Variants in CRIM1 observed in about 807,000 individuals in gnomAD.
CRIM1 encodes cysteine-rich motor neuron 1 protein.
A neutral mutation model predicts 116.4 loss-of-function variants in CRIM1; 32 were observed. The observed-to-expected ratio is 0.27, with a 90% CI of 0.21 to 0.37. CRIM1 has a LOEUF of 0.37. CRIM1 is among the 10% of genes least tolerant of loss of function. CRIM1 has a pLI of 1.00. For synonymous variants in CRIM1, 590 were observed against 509.2 expected (o/e 1.16, Z -2.13); for missense variants, 1,331 against 1,354.8 (o/e 0.98, Z 0.28).
Position 36,547,006 on chromosome 2 carries a change from T to C in CRIM1, c.2769T>C (p.Asp923=), listed in dbSNP as rs759852522. ...TAGATATGGGTCACCTCCAGGTAGA[T>C]TACAGAGATAACAGGCTGCACCCAA... is the stretch of plus-strand genomic sequence containing the variant. ...LPRDMGHLQV[D]YRDNRLHPSE... Residue 923 remains aspartate, a synonymous_variant, in exon 16 of 17, where the codon GAT becomes GAC. Transcript: ENST00000280527. The C allele has an allele frequency of 1.2e-6, 2 of 1,609,984 alleles. No individual in the cohort carries two copies. Among genetic ancestry groups the C allele is most frequent in the South Asian group, 2.2e-5 (2 of 90,544 alleles).
rs148185860 is a variant in CRIM1, at chr2:36,508,986, T to G, written c.1502-997T>G. On this transcript the variant is annotated intron_variant, in intron 8 of 16. Coordinates refer to ENST00000280527, the MANE Select transcript of CRIM1 (RefSeq NM_016441.3). Reference sequence around the variant, plus strand: ...AGTATTTTTTCAACACACACATTTTTTAGCCTGTGAACTAAAAAGCCTATT... The same window carrying G: ...AGTATTTTTTCAACACACACATTTTGTAGCCTGTGAACTAAAAAGCCTATT... 3.6e-3 allele frequency among the ~76,000 whole-genome samples: 547 copies of G among 152,310 alleles called. 4 individuals are homozygous for G. Among genetic ancestry groups the G allele is most frequent in the African/African-American group, 0.013 (524 of 41,562 alleles).
chr2:36,542,926 C>G (rs1007410420), intron 14 of CRIM1, among the ~76,000 whole-genome samples: 9 of 152,234 alleles, frequency 5.9e-5, no homozygotes, highest in African/African-American at 1.7e-4. Flanking sequence ...TTGGGTAATT[C>G]TGATATGATT....
At chr2:36,426,896 T>C (rs1259314625) in intron 2 of CRIM1, among the ~76,000 whole-genome samples, 1 of 152,106 alleles carries the variant, frequency 6.6e-6, no homozygotes, top group African/African-American at 2.4e-5. Context: ...AGAGTAGCAG[T>C]GACTTTAAAA....
At chr2:36,460,514 G>C (rs1373709288) in intron 4 of CRIM1, among the ~76,000 whole-genome samples, 1 of 152,198 alleles carries the variant, frequency 6.6e-6, no homozygotes, top group East Asian at 1.9e-4. Context: ...TACTTTAAAA[G>C]GGTGAATACT....
At position 36,371,135 on chromosome 2, in the gene CRIM1, C is replaced by T. The variant is rs996400731; in HGVS notation, c.331+14512C>T. ...AATGGGTGTGGTGTCAGGTTTCAGA[C>T]GCCCCCATAGTTGTCTTCACGTCCT... On this transcript the variant is annotated intron_variant, in intron 1 of 16. Transcript: ENST00000280527. Among the ~76,000 whole-genome samples the T allele has an allele frequency of 2.6e-5, 4 of 152,132 alleles. 1 individual carries two copies. Among genetic ancestry groups the T allele is most frequent in the Admixed American group, 1.3e-4 (2 of 15,272 alleles).
At chr2:36,519,839 G>A (rs1277336257) in intron 12 of CRIM1, among the ~76,000 whole-genome samples, 1 of 152,120 alleles carries the variant, frequency 6.6e-6, no homozygotes, top group Admixed American at 6.5e-5. Flanking sequence ...AATAGCACTT[G>A]TTTCTTTCCA....
At chr2:36,442,545 A>G in intron 3 of CRIM1, 70 bp from the exon 4 acceptor site, 2 of 1,589,946 alleles carry the variant, frequency 1.3e-6, no homozygotes. Context: ...AAGAGCTAGT[A>G]TTTCATTTAG....
intron 2 of CRIM1, among the ~76,000 whole-genome samples, chr2:36,434,590 G>A (rs185456531): frequency 1.1e-4 from 17 of 152,344 alleles, no homozygotes; most frequent in Non-Finnish European, 2.2e-4. Flanking sequence ...ACAAAGGCGT[G>A]TGAGAATGAG....
At chr2:36,391,633 C>G (rs1434165234) in intron 1 of CRIM1, among the ~76,000 whole-genome samples, 1 of 152,136 alleles carries the variant, frequency 6.6e-6, no homozygotes, top group Non-Finnish European at 1.5e-5. Flanking sequence ...CCTAGGTGTA[C>G]CTGCAGGACA....
chr2:36,409,216 TC>T (rs1673034280), intron 2 of CRIM1, among the ~76,000 whole-genome samples: 1 of 152,170 alleles, frequency 6.6e-6, no homozygotes, highest in African/African-American at 2.4e-5. Context: ...TTTGTCTTTT[TC>T]CCACTATGCC....
chr2:36,365,961 C>T (rs1378834882), intron 1 of CRIM1, among the ~76,000 whole-genome samples: 5 of 152,152 alleles, frequency 3.3e-5, no homozygotes, highest in Non-Finnish European at 5.9e-5. Flanking sequence ...CTCTCGACCT[C>T]GTGATCTGCC....
chr2:36,471,762 A>ACAG (rs1209433744), intron 5 of CRIM1, among the ~76,000 whole-genome samples: 1 of 55,412 alleles, frequency 1.8e-5, no homozygotes, highest in Non-Finnish European at 3.6e-5. Context: ...CACACACACC[A>ACAG]TCTTACAATG....
At chr2:36,453,591 A>G (rs1676898981) in intron 4 of CRIM1, among the ~76,000 whole-genome samples, 1 of 152,228 alleles carries the variant, frequency 6.6e-6, no homozygotes, top group Non-Finnish European at 1.5e-5. Context: ...GTGTTCTTGG[A>G]TTGTTCAGGG....
chr2:36,479,463 C>T (rs374418425), intron 6 of CRIM1, 34 bp from the exon 7 acceptor site: 2 of 1,599,886 alleles, frequency 1.3e-6, no homozygotes, highest in Admixed American at 1.7e-5. Context: ...TTAGAAGATG[C>T]TCAGTCTAAC....
intron 4 of CRIM1, among the ~76,000 whole-genome samples, chr2:36,460,456 AC>A (rs1348804409): frequency 6.6e-6 from 1 of 152,238 alleles, no homozygotes; most frequent in African/African-American, 2.4e-5. Context: ...GAAATTAGGT[AC>A]TAGTGATGGT....
At chr2:36,546,729 A>C (rs1396931050) in intron 15 of CRIM1, among the ~76,000 whole-genome samples, 1 of 147,834 alleles carries the variant, frequency 6.8e-6, no homozygotes, top group Non-Finnish European at 1.5e-5. Context: ...TAGAGCCGGC[A>C]TCATCTTACC....
intron 1 of CRIM1, among the ~76,000 whole-genome samples, chr2:36,393,215 G>C (rs1671754684): frequency 6.6e-6 from 1 of 152,186 alleles, no homozygotes. Context: ...AGTAATGATA[G>C]ATGATGCCTA....
intron 2 of CRIM1, among the ~76,000 whole-genome samples, chr2:36,421,802 C>T (rs865952462): frequency 2.6e-5 from 4 of 152,186 alleles, no homozygotes; most frequent in Admixed American, 6.5e-5. Context: ...TGCTCTTTCC[C>T]TCCTTTCTTT....
At chr2:36,436,244 T>A (rs532113579) in intron 2 of CRIM1, among the ~76,000 whole-genome samples, 58 of 152,254 alleles carry the variant, frequency 3.8e-4, no homozygotes, top group African/African-American at 1.3e-3. Flanking sequence ...ATGGTAATTG[T>A]ACTACATTTA....
Sources: gnomAD v4.1 joint callset for allele counts (sites outside exome capture counted in the v4.1 genomes callset) on GRCh38, gnomAD v4.1.1 for gene constraint, MANE v1.5 for transcripts, NCBI Gene and HGNC (gene_info 2026-07-23, HGNC 2026-07-21) for gene names.